EGLN3: variants seen among roughly 807,000 people sequenced by gnomAD.
The protein encoded by EGLN3 is prolyl hydroxylase EGLN3.
In EGLN3, 15 loss-of-function variants were observed where a neutral mutation model predicts 26.0. That is an observed-to-expected ratio of 0.58 (90% CI 0.39 to 0.89). EGLN3 has a LOEUF of 0.89. Ranked by LOEUF, EGLN3 falls within the 40% of genes least tolerant of loss-of-function variation. The probability of loss-of-function intolerance (pLI) is 0.00; values close to 1 mark genes in which losing one functional copy is unlikely to be tolerated. For missense variants in EGLN3, 238 were observed against 311.6 expected (o/e 0.76, Z 1.78); for synonymous variants, 147 against 127.2 (o/e 1.16, Z -1.05).
chr14:33,947,921 G>A (rs552628312), intron 1 of EGLN3, among the ~76,000 whole-genome samples: 1 of 152,216 alleles, frequency 6.6e-6, no homozygotes, highest in South Asian at 2.1e-4. Flanking sequence ...AGGGTGGCGT[G>A]CCTGTGGTCC....
chr14:33,930,292 CAG>C (rs921965254), intron 2 of EGLN3, among the ~76,000 whole-genome samples: 1 of 152,172 alleles, frequency 6.6e-6, no homozygotes, highest in Non-Finnish European at 1.5e-5. Context: ...TGTTACCAAA[CAG>C]GGAGAAGAGA....
intron 1 of EGLN3, among the ~76,000 whole-genome samples, chr14:33,938,367 A>G (rs368384835): frequency 2.0e-5 from 3 of 152,254 alleles, no homozygotes; most frequent in Non-Finnish European, 4.4e-5. Flanking sequence ...CCATGCAATT[A>G]GGCACAGTAA....
intron 1 of EGLN3, among the ~76,000 whole-genome samples, chr14:33,941,373 G>T (rs1375626813): frequency 6.6e-6 from 1 of 151,652 alleles, no homozygotes; most frequent in Non-Finnish European, 1.5e-5. Context: ...TGTGACTCGG[G>T]TATTTCTAGG....
At chr14:33,929,271 A>T (rs779061851) in intron 2 of EGLN3, 59 bp from the exon 3 acceptor site, 15 of 1,590,346 alleles carry the variant, frequency 9.4e-6, no homozygotes, top group East Asian at 2.2e-5. Context: ...ATCAACAACC[A>T]TATTTCAGCT....
At chr14:33,936,281 C>T (rs1396416192) in intron 1 of EGLN3, among the ~76,000 whole-genome samples, 1 of 141,642 alleles carries the variant, frequency 7.1e-6, no homozygotes, top group Admixed American at 7.1e-5. Flanking sequence ...TGAGACCATG[C>T]ACCTTCTTTT....
Position 33,950,382 on chromosome 14 carries a change from C to A in EGLN3, c.357+14G>T, listed in dbSNP as rs757864103. ...CGCGGGAGCAGCTGCGGCAGGGCGCCGAGCGCGTCCTACCTTAGACCTCTC... is the reference window on the plus strand; with the variant it reads ...CGCGGGAGCAGCTGCGGCAGGGCGCAGAGCGCGTCCTACCTTAGACCTCTC... On this transcript the variant is annotated intron_variant, in intron 1 of 4. Transcript: ENST00000250457. The A allele has an allele frequency of 1.2e-6, 2 of 1,611,272 alleles. No homozygotes were observed. Among genetic ancestry groups the A allele is most frequent in the Non-Finnish European group, 1.7e-6 (2 of 1,178,490 alleles).
chr14:33,940,493 C>T (rs938996766), intron 1 of EGLN3, among the ~76,000 whole-genome samples: 1 of 151,942 alleles, frequency 6.6e-6, no homozygotes, highest in Non-Finnish European at 1.5e-5. Context: ...CCTATCTAAT[C>T]TCTTCTTAAT....
intron 3 of EGLN3, among the ~76,000 whole-genome samples, chr14:33,928,033 AGGGACTTC>A (rs1413220257): frequency 7.2e-5 from 11 of 152,178 alleles, no homozygotes; most frequent in African/African-American, 2.2e-4. Flanking sequence ...GTTTTTTTCA[AGGGACTTC>A]TCATCAACAT....
rs2064346551 is a variant in EGLN3 at position 33,924,427 on chromosome 14, C to A, written c.*1464G>T. The A allele has an allele frequency of 6.6e-6, 1 of 152,086 alleles. No homozygotes were observed. The highest frequency in any genetic ancestry group is 2.4e-5 in the African/African-American group (1 of 41,406). The allele number at this position is 152,086 out of a possible 1,614,324, so 9.4% of individuals were successfully genotyped here. A position where few individuals can be genotyped will look rare whatever the true frequency, so the allele number is the denominator to read the frequency against. ...TACATAGTAATTTAGAAGGTGATAA[C>A]TATTACCGTACAACAAAATAGAGCA... On this transcript the variant is annotated 3_prime_UTR_variant, in exon 5 of 5. Coordinates refer to ENST00000250457, the MANE Select transcript of EGLN3 (RefSeq NM_022073.4).
At chr14:33,940,209 T>C (rs1406593752) in intron 1 of EGLN3, among the ~76,000 whole-genome samples, 1 of 152,160 alleles carries the variant, frequency 6.6e-6, no homozygotes, top group Non-Finnish European at 1.5e-5. Context: ...CTGTAGCCCC[T>C]GCAGGGTCCA....
chr14:33,927,596 T>C (rs1255550489), intron 3 of EGLN3, among the ~76,000 whole-genome samples: 1 of 152,208 alleles, frequency 6.6e-6, no homozygotes, highest in African/African-American at 2.4e-5. Flanking sequence ...TGTGATCAGA[T>C]CTTCCTCTGC....
chr14:33,933,453 C>A (rs1022159480), intron 1 of EGLN3, among the ~76,000 whole-genome samples: 1 of 152,068 alleles, frequency 6.6e-6, no homozygotes, highest in African/African-American at 2.4e-5. Flanking sequence ...GCAAAGTATC[C>A]GACTGCTTAA....
intron 4 of EGLN3, among the ~76,000 whole-genome samples, chr14:33,926,421 TC>T (rs1310346020): frequency 6.6e-6 from 1 of 152,236 alleles, no homozygotes; most frequent in East Asian, 1.9e-4. Flanking sequence ...ATGCAACATT[TC>T]CCACATTTTT....
chr14:33,929,165 T>C lies in EGLN3; in HGVS notation c.525A>G (p.Ile175Met), dbSNP rs1263756815. The C allele has an allele frequency of 3.7e-6, 6 of 1,614,122 alleles. No individual in the cohort carries two copies. The highest frequency in any genetic ancestry group is 1.6e-4 in the Middle Eastern group (1 of 6,084). ...LRIFPEGKSF[I>M]ADVEPIFDRL... is the part of the protein sequence containing the mutation. The stretch of plus-strand genomic sequence containing the variant: ...TGTCAAAAATGGGCTCCACATCTGC[T>C]ATGAATGATTTCCCCTCTGGAAATA... The change falls in exon 3 of 5, where the codon ATA (isoleucine) becomes ATG (methionine). Residue 175 changes from isoleucine (I) to methionine (M), a missense_variant. Coordinates refer to ENST00000250457, the MANE Select transcript of EGLN3 (RefSeq NM_022073.4).
intron 4 of EGLN3, 109 bp downstream of exon 4, chr14:33,926,851 A>G: frequency 1.4e-6 from 1 of 725,284 alleles, no homozygotes. Context: ...CATTATATAT[A>G]AAGCTAAGCC....
intron 1 of EGLN3, among the ~76,000 whole-genome samples, chr14:33,931,779 C>T (rs868865605): frequency 5.9e-4 from 90 of 152,272 alleles, no homozygotes; most frequent in Middle Eastern, 6.8e-3. Flanking sequence ...AATAGGAAGC[C>T]GCACCCTAAC....
At position 33,941,797 on chromosome 14, in the gene EGLN3, T is replaced by C. The variant is rs984609629; in HGVS notation, c.357+8599A>G. Among the ~76,000 whole-genome samples the C allele has an allele frequency of 1.3e-5, 2 of 152,058 alleles. 1 individual carries two copies. Among genetic ancestry groups the C allele is most frequent in the African/African-American group, 4.8e-5 (2 of 41,404 alleles). On this transcript the variant is annotated intron_variant, in intron 1 of 4. Coordinates refer to ENST00000250457, the MANE Select transcript of EGLN3 (RefSeq NM_022073.4). ...AGCCTGGATTGAGCCACGACAGAGT[T>C]CTGGGGAGCAGAAGGGAAGACTTCA...
intron 1 of EGLN3, among the ~76,000 whole-genome samples, chr14:33,946,047 A>G (rs1332979301): frequency 3.9e-5 from 6 of 152,162 alleles, no homozygotes. Context: ...CAGGAATCCT[A>G]CGAACAAACC....
chr14:33,940,589 G>C (rs555179062), intron 1 of EGLN3, among the ~76,000 whole-genome samples: 15 of 152,126 alleles, frequency 9.9e-5, no homozygotes, highest in African/African-American at 3.6e-4. Flanking sequence ...AGGAGGTCTG[G>C]GGAGAAGATG....
Sources: allele counts gnomAD v4.1 joint callset (sites outside exome capture counted in the v4.1 genomes callset), GRCh38; gene constraint gnomAD v4.1.1; transcripts MANE v1.5; gene names NCBI Gene and HGNC (gene_info 2026-07-23, HGNC 2026-07-21).